The following RECQL5 variants were observed in gnomAD, a reference collection of about 807,000 sequenced individuals.
RECQL5 encodes ATP-dependent DNA helicase Q5.
In RECQL5, 88 loss-of-function variants were observed where a neutral mutation model predicts 103.4. That is an observed-to-expected ratio of 0.85 (90% CI 0.72 to 1.02). The LOEUF is 1.02. RECQL5 is among the 50% of genes least tolerant of loss of function. The pLI is 0.00. For missense variants in RECQL5, 1,232 were observed against 1,284.3 expected (o/e 0.96, Z 0.62); for synonymous variants, 552 against 507.9 (o/e 1.09, Z -1.17).
At position 75,636,325 on chromosome 17, in the gene RECQL5, G is replaced by C. The variant is rs765425275; in HGVS notation, c.1230-4657C>G. On this transcript the variant is annotated intron_variant, in intron 8 of 19. Coordinates refer to ENST00000317905, the MANE Select transcript of RECQL5 (RefSeq NM_004259.7). The surrounding 1 kb of genome is among the most constrained non-coding windows in gnomAD (Gnocchi z 5.4). ...TGGGAGGGACTGGTTGCCCTGGTTC[G>C]CAGGTGGGAAGTGTGGTTTTGGAAG... Among the ~76,000 whole-genome samples the C allele has an allele frequency of 5.3e-5, 8 of 152,166 alleles. No homozygotes were observed. The highest frequency in any genetic ancestry group is 1.9e-4 in the African/African-American group (8 of 41,430).
At position 75,651,384 on chromosome 17, in the gene RECQL5, G is replaced by A. The variant is rs185052372; in HGVS notation, c.1150-119C>T. 4.3e-3 allele frequency: 4,847 copies of A among 1,126,696 alleles called. 19 individuals carry two copies. Among genetic ancestry groups the A allele is most frequent in the Non-Finnish European group, 4.7e-3 (3,568 of 761,950 alleles). The allele number at this position is 1,126,696 out of a possible 1,614,324, so 69.8% of individuals were successfully genotyped here. A position where few individuals can be genotyped will look rare whatever the true frequency, so the allele number is the denominator to read the frequency against. ...CGGCTGTAATCCCAGCACTTTGGGAGGCTGAGCCAGGAGGATCATTTGAGG... is the reference window on the plus strand; with the variant it reads ...CGGCTGTAATCCCAGCACTTTGGGAAGCTGAGCCAGGAGGATCATTTGAGG... On this transcript the variant is annotated intron_variant, in intron 7 of 19. Coordinates refer to ENST00000317905, the MANE Select transcript of RECQL5 (RefSeq NM_004259.7).
At position 75,665,145 on chromosome 17, in the gene RECQL5, G is replaced by A. The variant is rs534932735; in HGVS notation, c.158C>T (p.Pro53Leu). ...GCATAGGGATTTTCCTGCCCCTGTGGGCATGCACACAAAGACGTCCTTGTT... is the reference window on the plus strand; with the variant it reads ...GCATAGGGATTTTCCTGCCCCTGTGAGCATGCACACAAAGACGTCCTTGTT... ...KGNKDVFVCM[P>L]TGAGKSLCYQ... Residue 53 changes from proline to leucine, a missense_variant, in exon 3 of 20, where the codon CCC becomes CTC. Physicochemically the swap from Pro to Leu is moderately conservative, Grantham distance 98. Coordinates refer to ENST00000317905, the MANE Select transcript of RECQL5 (RefSeq NM_004259.7). 1.2e-6 allele frequency: 2 copies of A among 1,611,022 alleles called. No homozygotes were observed. Among genetic ancestry groups the A allele is most frequent in the South Asian group, 2.2e-5 (2 of 90,392 alleles).
Position 75,629,832 on chromosome 17 carries a change from A to G in RECQL5, c.1823T>C (p.Ile608Thr), listed in dbSNP as rs1326039650. The change falls in exon 15 of 20, where the codon ATC (isoleucine) becomes ACC (threonine). Residue 608 changes from isoleucine to threonine, a missense_variant. Coordinates refer to ENST00000317905, the MANE Select transcript of RECQL5 (RefSeq NM_004259.7). ...CTGCCCATCCTTGGAGGCTCTGTGGATATCGGCCACCTGGGCAGGGATAGG... is the reference window on the plus strand; with the variant it reads ...CTGCCCATCCTTGGAGGCTCTGTGGGTATCGGCCACCTGGGCAGGGATAGG... Reference protein sequence around the residue: ...KASVLKKVADIHRASKDGQPY... With the variant: ...KASVLKKVADTHRASKDGQPY... The G allele has an allele frequency of 1.2e-6, 2 of 1,607,554 alleles. No homozygotes were observed. Among genetic ancestry groups the G allele is most frequent in the Admixed American group, 3.4e-5 (2 of 59,576 alleles).
At position 75,662,478 on chromosome 17, in the gene RECQL5, C is replaced by T; in HGVS notation, c.771+1G>A. On this transcript the variant is annotated splice_donor_variant, in intron 4 of 19. Coordinates refer to ENST00000317905, the MANE Select transcript of RECQL5 (RefSeq NM_004259.7). LOFTEE classifies it high-confidence loss of function. ...GCTTGGCCTCCACCTCAATGCCTCACCCCTTTATCAGCCTCCTGTCCAAGA... is the reference window on the plus strand; with the variant it reads ...GCTTGGCCTCCACCTCAATGCCTCATCCCTTTATCAGCCTCCTGTCCAAGA... 4 of 1,612,358 alleles carry T rather than the reference C, an allele frequency of 2.5e-6. No homozygotes were observed. Among genetic ancestry groups the T allele is most frequent in the East Asian group, 2.2e-5 (1 of 44,862 alleles).
Position 75,666,415 on chromosome 17 carries a change from T to G in RECQL5, c.130+13A>C. On this transcript the variant is annotated intron_variant, in intron 2 of 19. Transcript: ENST00000317905. ...CAGCATAAATTTAAAGGAAGGTAGC[T>G]TGGTAATGTTACCTTTTACTACAGC... 1.2e-6 allele frequency: 2 copies of G among 1,613,758 alleles called. No individual in the cohort carries two copies. Among genetic ancestry groups the G allele is most frequent in the Non-Finnish European group, 1.7e-6 (2 of 1,179,838 alleles).
chr17:75,658,686 C>T (rs2059659639), intron 6 of RECQL5, among the ~76,000 whole-genome samples: 1 of 152,118 alleles, frequency 6.6e-6, no homozygotes, highest in East Asian at 1.9e-4. Flanking sequence ...AAATCCAGCA[C>T]ATATGAGGGG....
At chr17:75,633,344 G>T in intron 8 of RECQL5, 2 of 995,124 alleles carry the variant, frequency 2.0e-6, no homozygotes, top group Non-Finnish European at 2.7e-6. Flanking sequence ...ACACAGCCTA[G>T]CCTGCTGGGA....
At chr17:75,664,086 T>G (rs1365084175) in intron 3 of RECQL5, among the ~76,000 whole-genome samples, 16 of 143,180 alleles carry the variant, frequency 1.1e-4, no homozygotes, top group African/African-American at 2.8e-4. Context: ...AAGAAAGAAA[T>G]TAATGTATGT....
Position 75,640,968 on chromosome 17 carries a change from C to A in RECQL5, c.1230-9300G>T. 6.6e-7 allele frequency: 1 copy of A among 1,518,402 alleles called. No individual in the cohort carries two copies. Among genetic ancestry groups the A allele is most frequent in the Non-Finnish European group, 8.8e-7 (1 of 1,132,864 alleles). 94.1% of individuals were successfully genotyped at this position (1,518,402 alleles called of 1,614,324 possible). ...GCCATGACACAGGCCATCAGCCTGG[C>A]CCTGCAGCCCTTACCCCTCAAGACC... On this transcript the variant is annotated intron_variant, in intron 8 of 19. Transcript: ENST00000317905. The surrounding 1 kb of genome is among the most constrained non-coding windows in gnomAD (Gnocchi z 4.6).
intron 8 of RECQL5, chr17:75,649,890 A>C: frequency 1.0e-6 from 1 of 985,568 alleles, no homozygotes; most frequent in Non-Finnish European, 1.2e-6. Context: ...TGCACTAAGA[A>C]GTCCCAGCTC....
At chr17:75,645,707 T>C (rs2059480839) in intron 8 of RECQL5, among the ~76,000 whole-genome samples, 1 of 152,204 alleles carries the variant, frequency 6.6e-6, no homozygotes, top group Non-Finnish European at 1.5e-5. Flanking sequence ...CCCGGGTCAG[T>C]GACGCCCATG....
At position 75,662,460 on chromosome 17, in the gene RECQL5, C is replaced by T. The variant is rs751361890; in HGVS notation, c.771+19G>A. On this transcript the variant is annotated intron_variant, in intron 4 of 19. Transcript: ENST00000317905. Reference sequence around the variant, plus strand: ...CCCACTGCTCTAACAGCTGCTTGGCCTCCACCTCAATGCCTCACCCCTTTA... The same window carrying T: ...CCCACTGCTCTAACAGCTGCTTGGCTTCCACCTCAATGCCTCACCCCTTTA... 1 of 1,606,812 alleles carries T rather than the reference C, an allele frequency of 6.2e-7. No individual in the cohort carries two copies. The highest frequency in any genetic ancestry group is 2.2e-5 in the East Asian group (1 of 44,766).
rs887236824 is a variant in RECQL5 at position 75,640,758 on chromosome 17, A to T, written c.1230-9090T>A. On this transcript the variant is annotated intron_variant, in intron 8 of 19. Coordinates refer to ENST00000317905, the MANE Select transcript of RECQL5 (RefSeq NM_004259.7). This position sits in a 1 kb window ranked among gnomAD's most constrained non-coding sequence, Gnocchi z 4.6. ...GGGTGGGCATCCTTTCTCTCCCCCA[A>T]CCTGAGTCCCGTGCTCTCTCCCGGC... 6.5e-7 allele frequency: 1 copy of T among 1,542,488 alleles called. No individual in the cohort carries two copies. The highest frequency in any genetic ancestry group is 8.8e-7 in the Non-Finnish European group (1 of 1,141,346).
At chr17:75,654,869 T>G (rs990184287) in intron 7 of RECQL5, among the ~76,000 whole-genome samples, 1 of 152,204 alleles carries the variant, frequency 6.6e-6, no homozygotes, top group African/African-American at 2.4e-5. Context: ...CTCAGCTCAC[T>G]GCAGCCTTGA....
chr17:75,657,781 G>A (rs1287612573), intron 7 of RECQL5, among the ~76,000 whole-genome samples: 1 of 151,474 alleles, frequency 6.6e-6, no homozygotes, highest in Non-Finnish European at 1.5e-5. Flanking sequence ...TGGGCACAGT[G>A]GCTCATGCTT....
chr17:75,628,223 A>T lies in RECQL5; in HGVS notation c.2800T>A (p.Ser934Thr). The T allele has an allele frequency of 2.5e-6, 4 of 1,613,868 alleles. No homozygotes were observed. Among genetic ancestry groups the T allele is most frequent in the Non-Finnish European group, 3.4e-6 (4 of 1,179,860 alleles). The part of the protein sequence containing the change: ...TPFYKEGKFA[S>T]KELFKGFARH... Reference sequence around the variant, plus strand: ...AGCCCACTCACTCCCCCTACCTTGGAAGCAAACTTGCCCTCCTTGTAGAAA... The same window carrying T: ...AGCCCACTCACTCCCCCTACCTTGGTAGCAAACTTGCCCTCCTTGTAGAAA... Residue 934 changes from serine (S) to threonine (T), a missense_variant, in exon 18 of 20, where the codon TCC (serine) becomes ACC (threonine). Coordinates refer to ENST00000317905, the MANE Select transcript of RECQL5 (RefSeq NM_004259.7).
At position 75,636,508 on chromosome 17, in the gene RECQL5, A is replaced by T. The variant is rs914714631; in HGVS notation, c.1230-4840T>A. On this transcript the variant is annotated intron_variant, in intron 8 of 19. Transcript: ENST00000317905. The surrounding 1 kb of genome is among the most constrained non-coding windows in gnomAD (Gnocchi z 5.4). Reference sequence around the variant, plus strand: ...CATGTTCCCCTCGCCACAGCTGGGAACACTAAGGTTCCCTTAGGAGCAGCG... The same window carrying T: ...CATGTTCCCCTCGCCACAGCTGGGATCACTAAGGTTCCCTTAGGAGCAGCG... 6.6e-6 allele frequency: 1 copy of T among 152,202 alleles called. No individual in the cohort carries two copies. Among genetic ancestry groups the T allele is most frequent in the Non-Finnish European group, 1.5e-5 (1 of 68,046 alleles). The allele number at this position is 152,202 out of a possible 1,614,324, so 9.4% of individuals were successfully genotyped here.
rs765884293 is a variant in RECQL5, at chr17:75,630,362, G to A, written c.1719-85C>T. The A allele has an allele frequency of 3.8e-4, 471 of 1,253,682 alleles. 2 individuals carry two copies. The highest frequency in any genetic ancestry group is 4.7e-4 in the Non-Finnish European group (425 of 906,738). The allele number at this position is 1,253,682 out of a possible 1,614,324, so 77.7% of individuals were successfully genotyped here. ...GCTCTTGCGGGACTCCAGGCCTGGT[G>A]GGGTAGGCCTTGGGCACAGGGATTC... On this transcript the variant is annotated intron_variant, in intron 13 of 19. Transcript: ENST00000317905.
At chr17:75,648,595 G>A (rs981687454) in intron 8 of RECQL5, among the ~76,000 whole-genome samples, 1 of 150,822 alleles carries the variant, frequency 6.6e-6, no homozygotes, top group Non-Finnish European at 1.5e-5. Flanking sequence ...GGATGGTCTC[G>A]ATCTCCTCAC....
Sources: gnomAD v4.1 joint callset for allele counts (sites outside exome capture counted in the v4.1 genomes callset) on GRCh38, gnomAD v4.1.1 for gene constraint, Gnocchi (gnomAD v3.1) non-coding constraint, MANE v1.5 for transcripts, NCBI Gene and HGNC (gene_info 2026-07-23, HGNC 2026-07-21) for gene names.